Variants in CACNA1E observed in about 807,000 individuals in gnomAD.
CACNA1E encodes calcium voltage-gated channel subunit alpha1 E, also known as voltage-dependent R-type calcium channel subunit alpha-1E.
Under a neutral mutation model 259.2 loss-of-function variants are expected in CACNA1E, and 40 were observed. That is an observed-to-expected ratio of 0.15 (90% CI 0.12 to 0.20). The LOEUF (loss-of-function observed/expected upper bound fraction) is 0.20. Ranked by LOEUF, CACNA1E falls within the 10% of genes least tolerant of loss-of-function variation. The probability of loss-of-function intolerance (pLI) is 1.00; values close to 1 mark genes in which losing one functional copy is unlikely to be tolerated. For synonymous variants in CACNA1E, 1,104 were observed against 1,138.5 expected (o/e 0.97, Z 0.61); for missense variants, 1,874 against 3,040.1 (o/e 0.62, Z 9.02).
chr1:181,467,973 A>G (rs534453968), intron 2 of CACNA1E, among the ~76,000 whole-genome samples: 1 of 152,320 alleles, frequency 6.6e-6, no homozygotes, highest in South Asian at 2.1e-4. Context: ...ATCCCCTATG[A>G]CAAAGAATTA....
At chr1:181,329,765 C>T (rs1024767530) in intron 1 of CACNA1E, among the ~76,000 whole-genome samples, 10 of 152,340 alleles carry the variant, frequency 6.6e-5, no homozygotes, top group African/African-American at 2.2e-4. Flanking sequence ...TTATAGCTCC[C>T]ATCCCAGTTC....
At chr1:181,448,292 A>T (rs1016943568) in intron 2 of CACNA1E, among the ~76,000 whole-genome samples, 1 of 152,220 alleles carries the variant, frequency 6.6e-6, no homozygotes, top group Non-Finnish European at 1.5e-5. Flanking sequence ...AGATCTGCAC[A>T]TGCATCCCCT....
intron 3 of CACNA1E, among the ~76,000 whole-genome samples, chr1:181,544,400 T>TA (rs5779107): frequency 0.43 from 64,518 of 148,498 alleles, 15,522 homozygotes; most frequent in Non-Finnish European, 0.54. Context: ...CTGAATATAC[T>TA]AAAAAAAAAA....
At chr1:181,764,466 T>C (rs192664624) in intron 34 of CACNA1E, among the ~76,000 whole-genome samples, 5 of 152,354 alleles carry the variant, frequency 3.3e-5, no homozygotes, top group South Asian at 2.1e-4. Context: ...GGCAAGCCAG[T>C]GAATTCATGG....
rs1659979543 is a variant in CACNA1E at position 181,776,399 on chromosome 1, G to C, written c.5267+171G>C. The C allele has an allele frequency of 3.2e-6, 2 of 632,234 alleles. No individual in the cohort carries two copies. The highest frequency in any genetic ancestry group is 5.5e-6 in the Non-Finnish European group (2 of 361,262). The allele number at this position is 632,234 out of a possible 1,614,324, so 39.2% of individuals were successfully genotyped here. A position where few individuals can be genotyped will look rare whatever the true frequency, so the allele number is the denominator to read the frequency against. On this transcript the variant is annotated intron_variant, in intron 38 of 47. Transcript: ENST00000367573. This position sits in a 1 kb window ranked among gnomAD's most constrained non-coding sequence, Gnocchi z 4.4. ...GCTCTGGTATCAAGCCAGTCACCAA[G>C]GACTTCTGTATCCTCCTTTCCCCTC...
chr1:181,476,044 G>A (rs1558033153), intron 2 of CACNA1E, among the ~76,000 whole-genome samples: 1 of 152,136 alleles, frequency 6.6e-6, no homozygotes, highest in Non-Finnish European at 1.5e-5. Context: ...TGAGAAACTG[G>A]GAGATGTGGT....
intron 2 of CACNA1E, among the ~76,000 whole-genome samples, chr1:181,439,237 T>C (rs971636139): frequency 3.3e-5 from 5 of 152,118 alleles, no homozygotes; most frequent in Non-Finnish European, 5.9e-5. Context: ...AATTCAGACA[T>C]AGAGAATAAT....
chr1:181,644,887 A>C (rs532867020), intron 6 of CACNA1E, among the ~76,000 whole-genome samples: 1 of 152,282 alleles, frequency 6.6e-6, no homozygotes, highest in East Asian at 1.9e-4. Context: ...ACAGCCCCCC[A>C]TCATCACCAG....
intron 2 of CACNA1E, among the ~76,000 whole-genome samples, chr1:181,429,409 C>G (rs891378920): frequency 2.6e-5 from 4 of 152,232 alleles, no homozygotes; most frequent in African/African-American, 7.2e-5. Flanking sequence ...CCCAATCTCT[C>G]TCCACACAGT....
At chr1:181,637,516 C>A (rs1657352307) in intron 6 of CACNA1E, among the ~76,000 whole-genome samples, 1 of 140,350 alleles carries the variant, frequency 7.1e-6, no homozygotes, top group Non-Finnish European at 1.5e-5. Flanking sequence ...GTCTTTCTGT[C>A]TTTCATCCTT....
intron 1 of CACNA1E, among the ~76,000 whole-genome samples, chr1:181,507,370 C>T (rs1230119119): frequency 6.6e-6 from 1 of 152,238 alleles, no homozygotes; most frequent in Non-Finnish European, 1.5e-5. Flanking sequence ...TAGCCTGTGT[C>T]CCCACAAACC....
intron 7 of CACNA1E, among the ~76,000 whole-genome samples, chr1:181,697,570 G>A (rs893255696): frequency 6.6e-6 from 1 of 152,176 alleles, no homozygotes; most frequent in African/African-American, 2.4e-5. Context: ...TATCCGTGTC[G>A]AAGAATTGCT....
In CACNA1E at chr1:181,696,389, C is replaced by T. The variant is rs571117112; in HGVS notation, c.1056-14565C>T. ...TCAGTTCTTTGACTTTTCAGATTCT[C>T]TGCAAAATATAACATTTTTCTGAGC... On this transcript the variant is annotated intron_variant, in intron 7 of 47. Transcript: ENST00000367573. Among the ~76,000 whole-genome samples the T allele has an allele frequency of 7.9e-5, 12 of 152,282 alleles. 1 individual carries two copies. In the South Asian group the frequency reaches 2.5e-3, roughly 32 times the overall value.
intron 8 of CACNA1E, among the ~76,000 whole-genome samples, chr1:181,711,772 G>T (rs1421641897): frequency 6.6e-6 from 1 of 152,086 alleles, no homozygotes. Context: ...TGCCCAAGGA[G>T]CAGAAGGGGG....
intron 7 of CACNA1E, among the ~76,000 whole-genome samples, chr1:181,665,153 CTA>C (rs1648090397): frequency 1.6e-5 from 1 of 64,478 alleles, no homozygotes; most frequent in Non-Finnish European, 2.9e-5. Context: ...ACCTATATAC[CTA>C]TACACACACA....
intron 27 of CACNA1E, among the ~76,000 whole-genome samples, chr1:181,754,077 A>G (rs1397881606): frequency 6.6e-6 from 1 of 152,114 alleles, no homozygotes; most frequent in East Asian, 1.9e-4. Context: ...TCACACACAG[A>G]GCGTGGCCAG....
chr1:181,717,531 C>T (rs1214435917), intron 11 of CACNA1E, among the ~76,000 whole-genome samples: 2 of 152,116 alleles, frequency 1.3e-5, no homozygotes, highest in Non-Finnish European at 2.9e-5. Flanking sequence ...GATAGCATAA[C>T]GTTATACCTT....
At chr1:181,564,064 T>C (rs1475426241) in intron 3 of CACNA1E, among the ~76,000 whole-genome samples, 2 of 152,188 alleles carry the variant, frequency 1.3e-5, no homozygotes, top group Non-Finnish European at 1.5e-5. Context: ...CTTACCTGGA[T>C]GTTAATAGCT....
At position 181,511,526 on chromosome 1, in the gene CACNA1E, C is replaced by G. The variant is rs1572062726; in HGVS notation, c.512+16C>G. On this transcript the variant is annotated intron_variant, in intron 3 of 47. Coordinates refer to ENST00000367573, the MANE Select transcript of CACNA1E (RefSeq NM_001205293.3). ...TCCTCAGTGGGTAAGTCCATTTTCT[C>G]TCTCTGTCTGTGTGTGTGTATGAAG... 1 of 1,613,070 alleles carries G rather than the reference C, an allele frequency of 6.2e-7. No homozygotes were observed. Among genetic ancestry groups the G allele is most frequent in the Non-Finnish European group, 8.5e-7 (1 of 1,179,738 alleles).
Sources: allele counts gnomAD v4.1 joint callset (sites outside exome capture counted in the v4.1 genomes callset), GRCh38; gene constraint gnomAD v4.1.1; non-coding constraint Gnocchi (gnomAD v3.1); transcripts MANE v1.5; gene names NCBI Gene and HGNC (gene_info 2026-07-23, HGNC 2026-07-21).